The following IGFL2 variants were observed in gnomAD, a reference collection of about 807,000 sequenced individuals.
IGFL2 encodes the protein insulin growth factor-like family member 2.
A neutral mutation model predicts 13.9 loss-of-function variants in IGFL2; 7 were observed. The observed-to-expected ratio is 0.51, with a 90% CI of 0.29 to 0.95. IGFL2 has a LOEUF of 0.95. IGFL2 is among the 40% of genes least tolerant of loss of function. The pLI, the probability that IGFL2 is intolerant of heterozygous loss-of-function variation, is 0.08. For missense variants in IGFL2, 138 were observed against 147.8 expected, an observed-to-expected ratio of 0.93 and a Z score of 0.34; for synonymous variants, 55 against 55.8, an observed-to-expected ratio of 0.99 and a Z score of 0.07.
At chr19:46,121,236 AAGTTAGCCAG>A in the IGFL2 span, among the ~76,000 whole-genome samples, 563 of 149,390 alleles carry the variant, frequency 3.8e-3, 9 homozygotes, top group Non-Finnish European at 6.2e-3. Flanking sequence ...CAAAAAACCA[AAGTTAGCCAG>A]ATGTGGTGGC....
the IGFL2 span, among the ~76,000 whole-genome samples, chr19:46,098,519 A>G: frequency 0.014 from 1,903 of 131,644 alleles, 30 homozygotes; most frequent in Middle Eastern, 0.032. Flanking sequence ...TCGTTCTGCC[A>G]CCCAGGCTGG....
At chr19:46,088,366 T>C in the IGFL2 span, among the ~76,000 whole-genome samples, 1 of 152,234 alleles carries the variant, frequency 6.6e-6, no homozygotes, top group Non-Finnish European at 1.5e-5. Flanking sequence ...GCTTTTTTTC[T>C]GTACTAACTA....
chr19:46,144,712 A>G (rs556033926), upstream of IGFL2, among the ~76,000 whole-genome samples: 23 of 152,198 alleles, frequency 1.5e-4, no homozygotes, highest in Admixed American at 7.2e-4. Flanking sequence ...TTTTCTATGC[A>G]CAACTTAATG....
the IGFL2 span, chr19:46,207,849 G>A: frequency 6.6e-6 from 1 of 152,226 alleles, no homozygotes. Flanking sequence ...AGTAAGCCAT[G>A]GGTTCATCAG....
chr19:46,175,210 G>A, the IGFL2 span, among the ~76,000 whole-genome samples: 1 of 152,054 alleles, frequency 6.6e-6, no homozygotes, highest in South Asian at 2.1e-4. Context: ...TTTCTTATAT[G>A]TATTACCTTA....
At chr19:46,176,009 ATT>A in the IGFL2 span, among the ~76,000 whole-genome samples, 1 of 71,902 alleles carries the variant, frequency 1.4e-5, no homozygotes, top group African/African-American at 6.2e-5. Context: ...CGCCCGACTA[ATT>A]TTTTTTTTTT....
the IGFL2 span, among the ~76,000 whole-genome samples, chr19:46,080,739 G>T: frequency 1.2e-4 from 18 of 152,218 alleles, no homozygotes; most frequent in African/African-American, 4.3e-4. Flanking sequence ...GTCAGACAGT[G>T]TTGACTAGGA....
intron 2 of IGFL2, 44 bp from the exon 3 acceptor site, chr19:46,160,570 G>C: frequency 6.2e-7 from 1 of 1,613,632 alleles, no homozygotes; most frequent in African/African-American, 1.3e-5. Context: ...GTAGTGCCTG[G>C]TTATCCTTGA....
chr19:46,106,663 G>GTC, the IGFL2 span, among the ~76,000 whole-genome samples: 6 of 152,308 alleles, frequency 3.9e-5, no homozygotes, highest in Non-Finnish European at 8.8e-5. Context: ...GGACCAGCCT[G>GTC]TAAGACTTGT....
the IGFL2 span, chr19:46,124,251 C>T: frequency 6.2e-7 from 1 of 1,610,022 alleles, no homozygotes; most frequent in Non-Finnish European, 8.5e-7. Context: ...CCTCATTTTT[C>T]CCTGTCCTGT....
At chr19:46,192,844 T>G in the IGFL2 span, among the ~76,000 whole-genome samples, 1 of 152,176 alleles carries the variant, frequency 6.6e-6, no homozygotes, top group Admixed American at 6.5e-5. Context: ...CACTTTCACT[T>G]TGGCGTAGGT....
the IGFL2 span, among the ~76,000 whole-genome samples, chr19:46,182,820 A>G: frequency 6.6e-6 from 1 of 151,670 alleles, no homozygotes; most frequent in Admixed American, 6.6e-5. Flanking sequence ...TCCTCTCCCT[A>G]CACTCCTGCC....
At chr19:46,078,530 A>G in the IGFL2 span, among the ~76,000 whole-genome samples, 1 of 152,242 alleles carries the variant, frequency 6.6e-6, no homozygotes, top group African/African-American at 2.4e-5. Flanking sequence ...GCTGGCTACT[A>G]ACCACCTGCT....
rs538630241 is a variant in IGFL2, at chr19:46,160,933, G to A, written c.341+52G>A. Reference sequence around the variant, plus strand: ...GTCGGGGGAAGGGAGGTGGAAATGAGGAGGGGAGTCTAGATGTCTTCATCA... The same window carrying A: ...GTCGGGGGAAGGGAGGTGGAAATGAAGAGGGGAGTCTAGATGTCTTCATCA... On this transcript the variant is annotated intron_variant, in intron 3 of 3. Coordinates refer to ENST00000377693, the MANE Select transcript of IGFL2 (RefSeq NM_001135113.2). 26 of 1,601,100 alleles carry A rather than the reference G, an allele frequency of 1.6e-5. No individual in the cohort carries two copies. In the African/African-American group the frequency reaches 2.0e-4, roughly 12 times the overall value.
the IGFL2 span, among the ~76,000 whole-genome samples, chr19:46,193,131 G>T: frequency 6.6e-6 from 1 of 152,168 alleles, no homozygotes; most frequent in African/African-American, 2.4e-5. Flanking sequence ...GGTGGAAGTT[G>T]CAGTGAGCCA....
chr19:46,106,027 T>C, the IGFL2 span, among the ~76,000 whole-genome samples: 2 of 152,166 alleles, frequency 1.3e-5, no homozygotes, highest in Non-Finnish European at 2.9e-5. Flanking sequence ...GTTTATATAA[T>C]GGTTTAGTCA....
the IGFL2 span, among the ~76,000 whole-genome samples, chr19:46,201,676 G>A: frequency 2.0e-5 from 3 of 152,096 alleles, no homozygotes; most frequent in East Asian, 1.9e-4. Flanking sequence ...GGATAGTAAC[G>A]GGCGTGTGAT....
chr19:46,160,515 G>A (rs767778301), intron 2 of IGFL2, 47 bp downstream of exon 2: 1 of 1,612,812 alleles, frequency 6.2e-7, no homozygotes, highest in Non-Finnish European at 8.5e-7. Flanking sequence ...GGCTGACTTT[G>A]GAAAGTGGGC....
the IGFL2 span, among the ~76,000 whole-genome samples, chr19:46,168,077 C>G: frequency 6.6e-6 from 1 of 152,140 alleles, no homozygotes. Context: ...CCGAGGACTA[C>G]GGGCACATAC....
Sources: gnomAD v4.1 joint callset for allele counts (sites outside exome capture counted in the v4.1 genomes callset) on GRCh38, gnomAD v4.1.1 for gene constraint, MANE v1.5 for transcripts, NCBI Gene and HGNC (gene_info 2026-07-23, HGNC 2026-07-21) for gene names.